The following AGBL4 variants were observed in gnomAD, a reference collection of about 807,000 sequenced individuals.
AGBL4 encodes the protein AGBL carboxypeptidase 4, also known as cytosolic carboxypeptidase 6.
In AGBL4, 58 loss-of-function variants were observed where a neutral mutation model predicts 66.4. The observed-to-expected ratio is 0.87, with a 90% confidence interval of 0.71 to 1.09. The LOEUF (loss-of-function observed/expected upper bound fraction) is 1.09. AGBL4 is among the 50% of genes least tolerant of loss of function. The pLI is 0.00. For synonymous variants in AGBL4, 234 were observed against 222.9 expected (o/e 1.05, Z -0.44); for missense variants, 579 against 631.0 (o/e 0.92, Z 0.88).
chr1:49,196,743 AC>A (rs1487996937), intron 4 of AGBL4, among the ~76,000 whole-genome samples: 3 of 151,692 alleles, frequency 2.0e-5, no homozygotes, highest in African/African-American at 4.8e-5. Context: ...GTGGGGTGAG[AC>A]TTTTTTGTCT....
At chr1:49,650,340 G>T (rs1422119075) in intron 3 of AGBL4, among the ~76,000 whole-genome samples, 1 of 152,196 alleles carries the variant, frequency 6.6e-6, no homozygotes, top group East Asian at 1.9e-4. Flanking sequence ...CACAGAAAGG[G>T]TAAGTGAGAG....
chr1:49,436,654 A>G (rs1266685354), intron 3 of AGBL4, among the ~76,000 whole-genome samples: 2 of 152,220 alleles, frequency 1.3e-5, no homozygotes, highest in Non-Finnish European at 2.9e-5. Flanking sequence ...ATGTTAGCAA[A>G]TCTATCTTTT....
chr1:49,307,236 C>A (rs1644863733), intron 3 of AGBL4, among the ~76,000 whole-genome samples: 1 of 152,168 alleles, frequency 6.6e-6, no homozygotes. Context: ...CCACCACTGA[C>A]CACTCCTATT....
At chr1:48,575,458 C>A (rs1024678478) in intron 11 of AGBL4, among the ~76,000 whole-genome samples, 6 of 152,178 alleles carry the variant, frequency 3.9e-5, no homozygotes, top group Non-Finnish European at 7.3e-5. Context: ...TTCAACTCAT[C>A]CTGCCCGCTG....
chr1:48,843,056 G>A (rs1646840284), intron 6 of AGBL4, among the ~76,000 whole-genome samples: 2 of 152,086 alleles, frequency 1.3e-5, no homozygotes, highest in Admixed American at 1.3e-4. Context: ...ATGAGTGTAT[G>A]TAGAATTTCG....
At chr1:49,494,423 C>T (rs911367344) in intron 3 of AGBL4, among the ~76,000 whole-genome samples, 22 of 152,128 alleles carry the variant, frequency 1.4e-4, no homozygotes, top group Non-Finnish European at 2.9e-4. Context: ...TATCCCTCCC[C>T]TCTCCCCGCA....
intron 1 of AGBL4, among the ~76,000 whole-genome samples, chr1:49,891,723 C>T (rs1187406408): frequency 6.6e-6 from 1 of 152,090 alleles, no homozygotes; most frequent in Non-Finnish European, 1.5e-5. Flanking sequence ...GTACAGAAAC[C>T]TCAACAGAAT....
rs545764070 is a variant in AGBL4 at position 49,159,009 on chromosome 1, C to A, written c.377+86761G>T. ...TACAGCACACCGATGGGTCTTGTCT[C>A]TTTATCCAATTTGCCAGTCTGTGTC... On this transcript the variant is annotated intron_variant, in intron 4 of 13. Transcript: ENST00000371839. Among the ~76,000 whole-genome samples, 419 of 149,536 alleles carry A rather than the reference C, an allele frequency of 2.8e-3. 3 individuals are homozygous for A. The highest frequency in any genetic ancestry group is 9.8e-3 in the African/African-American group (397 of 40,480).
chr1:48,771,590 G>A (rs1557976047), intron 6 of AGBL4, among the ~76,000 whole-genome samples: 1 of 152,166 alleles, frequency 6.6e-6, no homozygotes, highest in Non-Finnish European at 1.5e-5. Flanking sequence ...TTGCTCCAAT[G>A]TATATCAGCA....
At chr1:48,531,594 T>C (rs779526898), downstream of AGBL4, among the ~76,000 whole-genome samples, 3 of 152,174 alleles carry the variant, frequency 2.0e-5, no homozygotes, top group Non-Finnish European at 4.4e-5. Flanking sequence ...GAAATCTGTC[T>C]TACTGAGACT....
intron 5 of AGBL4, among the ~76,000 whole-genome samples, chr1:48,908,331 G>A (rs1287067797): frequency 6.6e-6 from 1 of 150,826 alleles, no homozygotes; most frequent in African/African-American, 2.4e-5. Context: ...AAAATTCGGG[G>A]AAAAAAAAAG....
At chr1:49,543,491 A>G (rs1342401459) in intron 3 of AGBL4, among the ~76,000 whole-genome samples, 2 of 152,086 alleles carry the variant, frequency 1.3e-5, no homozygotes, top group Non-Finnish European at 2.9e-5. Flanking sequence ...AAATAGGGCA[A>G]GCAGAAGAAA....
chr1:49,844,531 C>G (rs1351875885), intron 2 of AGBL4, among the ~76,000 whole-genome samples: 3 of 151,858 alleles, frequency 2.0e-5, no homozygotes, highest in African/African-American at 2.4e-5. Flanking sequence ...CTCTCTCTTC[C>G]TTTCCTGGTT....
intron 4 of AGBL4, among the ~76,000 whole-genome samples, chr1:49,143,265 C>T (rs1367467562): frequency 6.6e-6 from 1 of 152,170 alleles, no homozygotes; most frequent in Admixed American, 6.5e-5. Flanking sequence ...ATACTGCTGC[C>T]TTTGCCCAGA....
intron 5 of AGBL4, among the ~76,000 whole-genome samples, chr1:49,014,848 A>T (rs1031167303): frequency 6.6e-6 from 1 of 152,190 alleles, no homozygotes; most frequent in East Asian, 1.9e-4. Context: ...CAATGTTATT[A>T]TTCATTATGT....
intron 8 of AGBL4, among the ~76,000 whole-genome samples, chr1:48,638,955 C>T (rs918917411): frequency 2.0e-5 from 3 of 152,154 alleles, no homozygotes; most frequent in African/African-American, 7.2e-5. Context: ...TTCGAGGCTA[C>T]ATAACAAGTA....
chr1:49,920,107 T>C (rs1295940155), intron 1 of AGBL4, among the ~76,000 whole-genome samples: 1 of 152,214 alleles, frequency 6.6e-6, no homozygotes, highest in Non-Finnish European at 1.5e-5. Flanking sequence ...ATTAAAGACT[T>C]ACATGTTAGA....
chr1:48,598,552 G>A (rs772375725), intron 9 of AGBL4, among the ~76,000 whole-genome samples: 4 of 151,974 alleles, frequency 2.6e-5, no homozygotes, highest in Non-Finnish European at 2.9e-5. Context: ...CAAGGCAGGC[G>A]GATCAATTGA....
chr1:49,634,941 T>C (rs1435959281), intron 3 of AGBL4, among the ~76,000 whole-genome samples: 1 of 152,198 alleles, frequency 6.6e-6, no homozygotes, highest in East Asian at 1.9e-4. Context: ...TAGAGAGAAT[T>C]TGATGGTCTA....
Sources: allele counts gnomAD v4.1 joint callset (sites outside exome capture counted in the v4.1 genomes callset), GRCh38; gene constraint gnomAD v4.1.1; transcripts MANE v1.5; gene names NCBI Gene and HGNC (gene_info 2026-07-23, HGNC 2026-07-21).